The following WDR72 variants were observed in gnomAD, a reference collection of about 807,000 sequenced individuals.
The protein encoded by WDR72 is WD repeat-containing protein 72.
Under a neutral mutation model 124.2 loss-of-function variants are expected in WDR72, and 120 were observed. That is an observed-to-expected ratio of 0.97 (90% CI 0.83 to 1.12). The LOEUF (loss-of-function observed/expected upper bound fraction) is 1.12, where lower values mean the gene tolerates loss of function less well. WDR72 is among the 50% of genes most tolerant of loss of function. WDR72 has a pLI of 0.00. For synonymous variants in WDR72, 452 were observed against 441.7 expected (o/e 1.02, Z -0.29); for missense variants, 1,387 against 1,278.8 (o/e 1.08, Z -1.29).
At chr15:53,599,844 T>G (rs1031823182) in intron 17 of WDR72, among the ~76,000 whole-genome samples, 3 of 152,200 alleles carry the variant, frequency 2.0e-5, no homozygotes, top group African/African-American at 7.2e-5. Flanking sequence ...GATTTACATG[T>G]CATGACTTCA....
chr15:53,756,195 C>CAA (rs961353854), intron 1 of WDR72, among the ~76,000 whole-genome samples: 10 of 152,084 alleles, frequency 6.6e-5, no homozygotes, highest in Non-Finnish European at 1.5e-4. Flanking sequence ...GATGGTTTCC[C>CAA]CCATGCTGTT....
intron 13 of WDR72, among the ~76,000 whole-genome samples, chr15:53,693,339 T>C (rs1443963884): frequency 1.3e-5 from 2 of 152,076 alleles, no homozygotes; most frequent in African/African-American, 4.8e-5. Flanking sequence ...AAGTAGGAAT[T>C]TACCACACAA....
intron 17 of WDR72, among the ~76,000 whole-genome samples, chr15:53,608,947 G>C (rs573027127): frequency 6.6e-6 from 1 of 151,938 alleles, no homozygotes; most frequent in South Asian, 2.1e-4. Flanking sequence ...GCACAACAGG[G>C]TGATTATAGT....
intron 14 of WDR72, among the ~76,000 whole-genome samples, chr15:53,659,311 G>C (rs775531561): frequency 2.0e-5 from 3 of 152,126 alleles, no homozygotes; most frequent in Non-Finnish European, 4.4e-5. Flanking sequence ...TTTGTCACAC[G>C]AGTCAGAACA....
chr15:53,711,160 C>A, intron 8 of WDR72, 176 bp downstream of exon 8: 1 of 947,100 alleles, frequency 1.1e-6, no homozygotes, highest in East Asian at 2.6e-5. Context: ...TCCTCCATCC[C>A]CTGCTGTTTT....
chr15:53,599,160 T>A (rs1352453395), intron 17 of WDR72, among the ~76,000 whole-genome samples: 1 of 152,148 alleles, frequency 6.6e-6, no homozygotes, highest in Non-Finnish European at 1.5e-5. Flanking sequence ...TTAAGTATTA[T>A]ATATGTTTCT....
chr15:53,689,286 A>G (rs1309359184), intron 13 of WDR72, among the ~76,000 whole-genome samples: 2 of 150,206 alleles, frequency 1.3e-5, no homozygotes, highest in Non-Finnish European at 2.9e-5. Context: ...GCAACCTACA[A>G]AATGGGAGAA....
intron 18 of WDR72, among the ~76,000 whole-genome samples, chr15:53,547,937 A>AAAAAG (rs141454003): frequency 3.3e-5 from 5 of 152,250 alleles, no homozygotes; most frequent in Non-Finnish European, 5.9e-5. Flanking sequence ...TGGACAGCAA[A>AAAAAG]AAAAGAAAAG....
chr15:53,654,245 G>A (rs1443390129), intron 14 of WDR72, among the ~76,000 whole-genome samples: 1 of 152,138 alleles, frequency 6.6e-6, no homozygotes, highest in Non-Finnish European at 1.5e-5. Context: ...AGATTTAAGA[G>A]ATATGATGTA....
At chr15:53,535,287 A>G (rs562903106) in intron 18 of WDR72, among the ~76,000 whole-genome samples, 1 of 152,160 alleles carries the variant, frequency 6.6e-6, no homozygotes, top group Non-Finnish European at 1.5e-5. Flanking sequence ...TTATTTTAAA[A>G]TATTTCCTCA....
chr15:53,696,674 A>T (rs1411406410), intron 13 of WDR72, among the ~76,000 whole-genome samples: 4 of 152,246 alleles, frequency 2.6e-5, no homozygotes, highest in Non-Finnish European at 4.4e-5. Flanking sequence ...GTAAAGAATA[A>T]AACAGAAATC....
chr15:53,684,175 G>C (rs956362865), intron 13 of WDR72: 2 of 152,134 alleles, frequency 1.3e-5, no homozygotes, highest in Non-Finnish European at 2.9e-5. Context: ...CAAATGTTGA[G>C]ATTCTACTGT....
intron 18 of WDR72, among the ~76,000 whole-genome samples, chr15:53,583,135 C>T (rs1566969974): frequency 6.6e-6 from 1 of 151,912 alleles, no homozygotes; most frequent in Non-Finnish European, 1.5e-5. Flanking sequence ...CAGTCTAGTG[C>T]CATTCTCCAA....
At chr15:53,546,456 T>C (rs957071610) in intron 18 of WDR72, among the ~76,000 whole-genome samples, 73 of 150,696 alleles carry the variant, frequency 4.8e-4, no homozygotes, top group Non-Finnish European at 5.6e-4. Context: ...TAGGTGGGAA[T>C]TGAACAATGA....
chr15:53,684,067 T>C (rs2016502316), intron 13 of WDR72: 1 of 152,098 alleles, frequency 6.6e-6, no homozygotes, highest in Admixed American at 6.6e-5. Flanking sequence ...AAAATCACAA[T>C]ATGAAAATAA....
intron 3 of WDR72, among the ~76,000 whole-genome samples, chr15:53,718,009 A>G (rs2017761503): frequency 6.6e-6 from 1 of 152,224 alleles, no homozygotes. Context: ...ATGCATCTAT[A>G]AAATAAAGAA....
In WDR72 at chr15:53,517,677, G is replaced by A. The variant is rs1284069304; in HGVS notation, c.*22C>T. ...GGATTTCTTAATTTGTCCAAATTCA[G>A]CTCCTACTGATGAGATTCCATTTAA... On this transcript the variant is annotated 3_prime_UTR_variant, in exon 20 of 20. Coordinates refer to ENST00000360509, the MANE Select transcript of WDR72 (RefSeq NM_182758.4). 1.2e-6 allele frequency: 2 copies of A among 1,611,506 alleles called. No homozygotes were observed. The highest frequency in any genetic ancestry group is 2.7e-5 in the African/African-American group (2 of 74,820).
At chr15:53,721,510 A>G (rs2017875767) in intron 3 of WDR72, among the ~76,000 whole-genome samples, 1 of 152,244 alleles carries the variant, frequency 6.6e-6, no homozygotes, top group South Asian at 2.1e-4. Context: ...AGGTTAAAAA[A>G]GGAATGTATT....
intron 18 of WDR72, among the ~76,000 whole-genome samples, chr15:53,556,523 T>C (rs541398967): frequency 3.3e-5 from 5 of 152,234 alleles, no homozygotes; most frequent in Admixed American, 6.6e-5. Context: ...CTGTCACCCA[T>C]ATCACCCAAA....
Sources: allele counts gnomAD v4.1 joint callset (sites outside exome capture counted in the v4.1 genomes callset), GRCh38; gene constraint gnomAD v4.1.1; transcripts MANE v1.5; gene names NCBI Gene and HGNC (gene_info 2026-07-23, HGNC 2026-07-21).